PCDH7: variants seen among roughly 807,000 people sequenced by gnomAD.
The protein encoded by PCDH7 is protocadherin-7.
In PCDH7, 17 loss-of-function variants were observed where a neutral mutation model predicts 58.9. That is an observed-to-expected ratio of 0.29 (90% CI 0.20 to 0.43). The LOEUF (loss-of-function observed/expected upper bound fraction) is 0.43. Among genes scored for constraint, PCDH7 ranks in the 20% least tolerant of loss-of-function variants. PCDH7 has a pLI of 1.00. For missense variants in PCDH7, 1,274 were observed against 1,441.0 expected (o/e 0.88, Z 1.88); for synonymous variants, 664 against 616.4 (o/e 1.08, Z -1.14).
At chr4:30,975,300 A>G (rs1311476828) in intron 3 of PCDH7, among the ~76,000 whole-genome samples, 1 of 152,046 alleles carries the variant, frequency 6.6e-6, no homozygotes, top group Non-Finnish European at 1.5e-5. Flanking sequence ...CATGAAAAAT[A>G]TTTTCAGAGA....
chr4:31,101,114 T>C (rs1027875903), intron 3 of PCDH7, among the ~76,000 whole-genome samples: 1 of 152,196 alleles, frequency 6.6e-6, no homozygotes, highest in Non-Finnish European at 1.5e-5. Context: ...TTTTTTCATT[T>C]CTTATTCTCA....
At chr4:30,939,685 T>A (rs1455142345) in intron 2 of PCDH7, among the ~76,000 whole-genome samples, 1 of 152,110 alleles carries the variant, frequency 6.6e-6, no homozygotes, top group Non-Finnish European at 1.5e-5. Flanking sequence ...TATAAAGGAA[T>A]TTAATACGCA....
chr4:30,812,358 A>C (rs527782594), intron 1 of PCDH7, among the ~76,000 whole-genome samples: 1 of 152,344 alleles, frequency 6.6e-6, no homozygotes, highest in African/African-American at 2.4e-5. Flanking sequence ...ATACTTGGAA[A>C]TATATCATTT....
intron 2 of PCDH7, among the ~76,000 whole-genome samples, chr4:30,947,525 C>T (rs1476177275): frequency 6.6e-6 from 1 of 152,112 alleles, no homozygotes; most frequent in Admixed American, 6.5e-5. Context: ...ATTTCCTTCA[C>T]CCAGAAATTG....
intron 1 of PCDH7, among the ~76,000 whole-genome samples, chr4:30,872,490 C>G (rs1735749123): frequency 6.6e-6 from 1 of 151,982 alleles, no homozygotes; most frequent in African/African-American, 2.4e-5. Context: ...ATTTTCAGCC[C>G]TGTGCTAGAC....
chr4:30,829,872 T>C (rs1729560184), intron 1 of PCDH7, among the ~76,000 whole-genome samples: 1 of 152,050 alleles, frequency 6.6e-6, no homozygotes, highest in South Asian at 2.1e-4. Flanking sequence ...ATGGACCACT[T>C]TATAGCCCGC....
chr4:31,105,434 A>G (rs2109304974), intron 3 of PCDH7, among the ~76,000 whole-genome samples: 2 of 152,254 alleles, frequency 1.3e-5, no homozygotes, highest in South Asian at 4.1e-4. Flanking sequence ...AACCACATAC[A>G]TATGTATAAG....
chr4:30,854,871 T>A (rs950515203), intron 1 of PCDH7, among the ~76,000 whole-genome samples: 4 of 152,106 alleles, frequency 2.6e-5, no homozygotes, highest in African/African-American at 9.7e-5. Context: ...ATTTACGTTC[T>A]ATGTAATTTG....
chr4:30,979,109 G>A (rs1468082444), intron 3 of PCDH7, among the ~76,000 whole-genome samples: 2 of 151,902 alleles, frequency 1.3e-5, no homozygotes, highest in African/African-American at 2.4e-5. Flanking sequence ...GGCAGATCAC[G>A]AGGTCAGGAG....
At chr4:30,797,244 C>CTTTGTTTTGT (rs1030338779) in intron 1 of PCDH7, among the ~76,000 whole-genome samples, 1 of 150,454 alleles carries the variant, frequency 6.6e-6, no homozygotes, top group African/African-American at 2.4e-5. Context: ...CCACTTCCTA[C>CTTTGTTTTGT]TTTGTTTTGT....
At position 30,995,509 on chromosome 4, in the gene PCDH7, C is replaced by T. The variant is rs910540612; in HGVS notation, c.*7+45294C>T. 1.9e-4 allele frequency among the ~76,000 whole-genome samples: 28 copies of T among 144,726 alleles called. 1 individual carries two copies. The highest frequency in any genetic ancestry group is 7.2e-3 in the Middle Eastern group (2 of 276). The allele number at this position is 144,726 out of a possible 152,430, so 94.9% of individuals were successfully genotyped here. On this transcript the variant is annotated intron_variant, in intron 3 of 3. Transcript: ENST00000509759. Reference sequence around the variant, plus strand: ...CCTGGGCGACAGAGCGAGACTCCCTCCCAAAGGAAAAAAAAAAAAAGATGA... The same window carrying T: ...CCTGGGCGACAGAGCGAGACTCCCTTCCAAAGGAAAAAAAAAAAAAGATGA...
At chr4:30,924,075 C>G (rs1185355586) in intron 2 of PCDH7, among the ~76,000 whole-genome samples, 1 of 152,152 alleles carries the variant, frequency 6.6e-6, no homozygotes, top group Admixed American at 6.5e-5. Context: ...AGTCTTCAGA[C>G]TTTCTCTTGG....
intron 1 of PCDH7, among the ~76,000 whole-genome samples, chr4:30,773,293 T>G (rs1029066972): frequency 6.6e-6 from 1 of 152,158 alleles, no homozygotes; most frequent in African/African-American, 2.4e-5. Flanking sequence ...GATTTCTGAT[T>G]CCTGGTTCAA....
Position 31,112,114 on chromosome 4 carries a change from T to C in PCDH7, c.*8-30359T>C, listed in dbSNP as rs569989173. ...CTGAGATATTTATTTTTCTTGAAAT[T>C]TCTTTCAATCCCATTTGACTACCTT... On this transcript the variant is annotated intron_variant, in intron 3 of 3. Transcript: ENST00000509759. Among the ~76,000 whole-genome samples, 222 of 152,344 alleles carry C rather than the reference T, an allele frequency of 1.5e-3. 2 individuals are homozygous for C. The highest frequency in any genetic ancestry group is 5.1e-3 in the African/African-American group (212 of 41,578).
chr4:30,748,055 G>A (rs1717998549), intron 1 of PCDH7, among the ~76,000 whole-genome samples: 1 of 152,182 alleles, frequency 6.6e-6, no homozygotes, highest in Non-Finnish European at 1.5e-5. Context: ...TCTGTAAAAT[G>A]AAAGGTTTAT....
Position 30,721,947 on chromosome 4 carries a change from C to T in PCDH7, c.525C>T (p.Asn175=), listed in dbSNP as rs777179433. 1.2e-4 allele frequency: 191 copies of T among 1,551,172 alleles called. No individual in the cohort carries two copies. Among genetic ancestry groups the T allele is most frequent in the Non-Finnish European group, 1.4e-4 (167 of 1,154,978 alleles). ...CCACCGACCGCGACTTCGGCCGCAA[C>T]GGCATCGAGCGCTACGAGCTGCTCC... Residue 175 remains asparagine, a synonymous_variant, in exon 1 of 2, where the codon AAC becomes AAT. Transcript: ENST00000361762. The surrounding 1 kb of genome is among the most constrained non-coding windows in gnomAD (Gnocchi z 6.7).
At chr4:31,019,200 G>A (rs1009636592) in intron 3 of PCDH7, among the ~76,000 whole-genome samples, 2 of 152,034 alleles carry the variant, frequency 1.3e-5, no homozygotes, top group Non-Finnish European at 2.9e-5. Flanking sequence ...CTATATATAT[G>A]TGGGCATAGT....
chr4:31,090,076 T>G (rs1713029961), intron 3 of PCDH7, among the ~76,000 whole-genome samples: 1 of 152,028 alleles, frequency 6.6e-6, no homozygotes, highest in Non-Finnish European at 1.5e-5. Context: ...TTGATTTCGG[T>G]GGCCAAATGC....
At chr4:30,776,109 C>T (rs1333817408) in intron 1 of PCDH7, 1 of 152,102 alleles carries the variant, frequency 6.6e-6, no homozygotes, top group Non-Finnish European at 1.5e-5. Flanking sequence ...ATTTTATGAC[C>T]TTTGGTGAAT....
Sources: gnomAD v4.1 joint callset for allele counts (sites outside exome capture counted in the v4.1 genomes callset) on GRCh38, gnomAD v4.1.1 for gene constraint, Gnocchi (gnomAD v3.1) non-coding constraint, MANE v1.5 for transcripts, NCBI Gene and HGNC (gene_info 2026-07-23, HGNC 2026-07-21) for gene names.